FHIT: variants seen among roughly 807,000 people sequenced by gnomAD.
The protein encoded by FHIT is fragile histidine triad diadenosine triphosphatase.
In FHIT, 19 loss-of-function variants were observed where a neutral mutation model predicts 17.9. The ratio of observed to expected loss-of-function variants is 1.06; its 90% CI spans 0.74 to 1.56. The LOEUF is 1.56. Among genes scored for constraint, FHIT ranks in the 40% most tolerant of loss-of-function variants. The pLI is 0.00. For synonymous variants in FHIT, 81 were observed against 69.7 expected (o/e 1.16, Z -0.81); for missense variants, 248 against 189.2 (o/e 1.31, Z -1.82).
At chr3:60,097,808 C>A (rs1167268417) in intron 5 of FHIT, among the ~76,000 whole-genome samples, 3 of 149,986 alleles carry the variant, frequency 2.0e-5, no homozygotes, top group African/African-American at 7.3e-5. Flanking sequence ...TGGTGTGCTG[C>A]ACCCATTAAC....
chr3:61,025,345 A>G (rs956001603), intron 3 of FHIT, among the ~76,000 whole-genome samples: 2 of 152,182 alleles, frequency 1.3e-5, no homozygotes, highest in East Asian at 3.9e-4. Context: ...AAAGGCCCCA[A>G]AAGTACCCTT....
intron 7 of FHIT, among the ~76,000 whole-genome samples, chr3:60,009,645 G>C (rs1459333460): frequency 6.6e-6 from 1 of 152,118 alleles, no homozygotes; most frequent in African/African-American, 2.4e-5. Flanking sequence ...TTAGTCAAGA[G>C]ATAATTCAAA....
Position 60,441,745 on chromosome 3 carries a change from TATATATATAAAA to T in FHIT, c.103+95103_103+95114del, listed in dbSNP as rs1485152606. On this transcript the variant is annotated intron_variant, in intron 5 of 9. Transcript: ENST00000492590. ...ATATTTGTATTTATATATATATATTTATATATATAAAAATATATATATATTTATATGTATAAA... is the reference window on the plus strand; with the variant it reads ...ATATTTGTATTTATATATATATATTTATATATATATATTTATATGTATAAA... Among the ~76,000 whole-genome samples the T allele has an allele frequency of 4.9e-3, 184 of 37,578 alleles. 5 individuals carry two copies. The highest frequency in any genetic ancestry group is 0.027 in the East Asian group (18 of 670). 24.7% of individuals were successfully genotyped at this position (37,578 alleles called of 152,430 possible). A position where few individuals can be genotyped will look rare whatever the true frequency, so the allele number is the denominator to read the frequency against.
chr3:59,769,620 A>AGTT (rs1296333623), intron 8 of FHIT, among the ~76,000 whole-genome samples: 2 of 152,198 alleles, frequency 1.3e-5, no homozygotes, highest in Admixed American at 1.3e-4. Context: ...TAATTAACTT[A>AGTT]AACTTGATAA....
intron 3 of FHIT, among the ~76,000 whole-genome samples, chr3:60,844,535 T>C (rs1288091568): frequency 1.3e-5 from 2 of 152,162 alleles, no homozygotes; most frequent in Non-Finnish European, 2.9e-5. Context: ...TGCCACTTAA[T>C]TTCATGTGAT....
intron 5 of FHIT, among the ~76,000 whole-genome samples, chr3:60,028,587 G>A (rs1700853187): frequency 6.6e-6 from 1 of 152,132 alleles, no homozygotes. Context: ...AATCGAAAGA[G>A]GGAACTGGCC....
intron 4 of FHIT, among the ~76,000 whole-genome samples, chr3:60,702,257 A>T (rs1208232777): frequency 6.6e-6 from 1 of 152,228 alleles, no homozygotes; most frequent in Non-Finnish European, 1.5e-5. Context: ...GGCTAACAAC[A>T]TACCATTTTA....
intron 4 of FHIT, among the ~76,000 whole-genome samples, chr3:60,541,221 T>C (rs2036175852): frequency 6.6e-6 from 1 of 152,218 alleles, no homozygotes; most frequent in South Asian, 2.1e-4. Flanking sequence ...TTATACCAAG[T>C]CCATCTGTTT....
At chr3:59,981,094 A>T (rs1012099863) in intron 7 of FHIT, among the ~76,000 whole-genome samples, 1 of 152,140 alleles carries the variant, frequency 6.6e-6, no homozygotes, top group Non-Finnish European at 1.5e-5. Context: ...CCAACAAAAA[A>T]AACACTGGGT....
chr3:60,208,769 G>T (rs576063993), intron 5 of FHIT, among the ~76,000 whole-genome samples: 1 of 152,154 alleles, frequency 6.6e-6, no homozygotes, highest in Non-Finnish European at 1.5e-5. Context: ...ACAGGCAATC[G>T]ATTTCTGTGT....
chr3:60,180,449 A>T (rs1482175397), intron 5 of FHIT, among the ~76,000 whole-genome samples: 1 of 152,162 alleles, frequency 6.6e-6, no homozygotes, highest in East Asian at 1.9e-4. Context: ...CCCTGAAAGA[A>T]ATGAAAAGAA....
At chr3:59,902,046 T>C (rs1704352894) in intron 8 of FHIT, among the ~76,000 whole-genome samples, 1 of 152,104 alleles carries the variant, frequency 6.6e-6, no homozygotes, top group Admixed American at 6.6e-5. Context: ...AAACCATATA[T>C]CAGACAGGGG....
At chr3:60,865,911 A>C (rs1308660590) in intron 3 of FHIT, among the ~76,000 whole-genome samples, 1 of 152,146 alleles carries the variant, frequency 6.6e-6, no homozygotes, top group Non-Finnish European at 1.5e-5. Flanking sequence ...ACTTAGAGGG[A>C]GATAAGATTT....
chr3:61,050,491 G>A (rs2033985193), intron 2 of FHIT, among the ~76,000 whole-genome samples: 1 of 152,062 alleles, frequency 6.6e-6, no homozygotes, highest in South Asian at 2.1e-4. Context: ...AAATATTAAG[G>A]AATTATTATT....
chr3:60,195,634 C>CATGATATATATATAACATGATAT (rs1702607112), intron 5 of FHIT, among the ~76,000 whole-genome samples: 1 of 139,982 alleles, frequency 7.1e-6, no homozygotes, highest in Admixed American at 7.3e-5. Flanking sequence ...TATTAATATA[C>CATGATATATATATAACATGATAT]ATATAAACAT....
chr3:59,957,759 C>A (rs1707474930), intron 7 of FHIT, among the ~76,000 whole-genome samples: 1 of 152,154 alleles, frequency 6.6e-6, no homozygotes, highest in Admixed American at 6.5e-5. Context: ...TAGGAGCCAG[C>A]ACATACTACT....
intron 3 of FHIT, among the ~76,000 whole-genome samples, chr3:60,891,427 A>G (rs1705512260): frequency 1.3e-5 from 2 of 152,138 alleles, no homozygotes; most frequent in African/African-American, 4.8e-5. Context: ...CACCAATACT[A>G]TTGGAAATGA....
At position 61,154,690 on chromosome 3, in the gene FHIT, T is replaced by C. The variant is rs1388407283; in HGVS notation, c.-164+45927A>G. ...GATATTGCAGCTCTGCAGCCTTCCC[T>C]GGAATGAGCCAGAAAAATCAAAATA... On this transcript the variant is annotated intron_variant, in intron 2 of 9. Transcript: ENST00000492590. 3.3e-5 allele frequency among the ~76,000 whole-genome samples: 5 copies of C among 152,194 alleles called. No individual in the cohort carries two copies. The East Asian group carries it at 9.7e-4, about 29-fold the overall frequency.
intron 8 of FHIT, among the ~76,000 whole-genome samples, chr3:59,798,723 T>G (rs1244050105): frequency 6.6e-6 from 1 of 152,216 alleles, no homozygotes; most frequent in African/African-American, 2.4e-5. Flanking sequence ...AGGATGACCA[T>G]GGGCAGGTTA....
Sources: allele counts gnomAD v4.1 joint callset (sites outside exome capture counted in the v4.1 genomes callset), GRCh38; gene constraint gnomAD v4.1.1; transcripts MANE v1.5; gene names NCBI Gene and HGNC (gene_info 2026-07-23, HGNC 2026-07-21).